Variants in SRPK2 observed in about 807,000 individuals in gnomAD.
SRPK2 encodes the protein SFRS protein kinase 2.
SRPK2 carries 21 observed loss-of-function variants against 90.8 expected under a neutral mutation model. The observed-to-expected ratio is 0.23, with a 90% CI of 0.16 to 0.33. The LOEUF is 0.33. Among genes scored for constraint, SRPK2 ranks in the 10% least tolerant of loss-of-function variants. The pLI is 1.00. For missense variants in SRPK2, 620 were observed against 869.0 expected, an observed-to-expected ratio of 0.71 and a Z score of 3.60; for synonymous variants, 288 against 311.1, an observed-to-expected ratio of 0.93 and a Z score of 0.78.
chr7:105,387,496 T>G, intron 2 of SRPK2, among the ~76,000 whole-genome samples: 1 of 148,892 alleles, frequency 6.7e-6, no homozygotes, highest in East Asian at 2.1e-4. Flanking sequence ...TTCCCCTTAC[T>G]CTAATGGTTT....
At chr7:105,226,173 AATAAT>A (rs1276983230) in intron 2 of SRPK2, among the ~76,000 whole-genome samples, 1 of 152,208 alleles carries the variant, frequency 6.6e-6, no homozygotes, top group East Asian at 1.9e-4. Flanking sequence ...AGAAACATAA[AATAAT>A]ATTTGTCTAT....
chr7:105,182,889 T>C (rs146878362), intron 3 of SRPK2, among the ~76,000 whole-genome samples: 1 of 152,234 alleles, frequency 6.6e-6, no homozygotes, highest in East Asian at 1.9e-4. Context: ...TCCCAAGTAG[T>C]ATCATATAAA....
At chr7:105,188,771 G>C (rs1036919365) in intron 3 of SRPK2, among the ~76,000 whole-genome samples, 2 of 152,300 alleles carry the variant, frequency 1.3e-5, no homozygotes, top group South Asian at 4.1e-4. Flanking sequence ...GGAAATAAAA[G>C]AGAAAAGATA....
At chr7:105,377,298 A>G (rs1820415890) in intron 2 of SRPK2, among the ~76,000 whole-genome samples, 1 of 152,164 alleles carries the variant, frequency 6.6e-6, no homozygotes, top group South Asian at 2.1e-4. Flanking sequence ...GCTATACCTG[A>G]CAACTCCCAA....
At chr7:105,392,790 AC>A (rs1186300694), upstream of SRPK2, among the ~76,000 whole-genome samples, 1 of 149,720 alleles carries the variant, frequency 6.7e-6, no homozygotes, top group African/African-American at 2.5e-5. Context: ...GAACCACTAT[AC>A]CCAGACTTAA....
chr7:105,342,874 G>A (rs976784974), intron 2 of SRPK2, among the ~76,000 whole-genome samples: 6 of 152,142 alleles, frequency 3.9e-5, no homozygotes, highest in Non-Finnish European at 7.4e-5. Flanking sequence ...TCTAGAATGG[G>A]AAAAGGTGAA....
chr7:105,159,464 A>AAAAAAAAC (rs1807167967), intron 7 of SRPK2, among the ~76,000 whole-genome samples: 1 of 141,598 alleles, frequency 7.1e-6, no homozygotes, highest in African/African-American at 2.9e-5. Flanking sequence ...AAAAAAAAAA[A>AAAAAAAAC]AAAAAAAAAC....
chr7:105,355,510 C>T (rs1289207910), intron 2 of SRPK2, among the ~76,000 whole-genome samples: 2 of 151,878 alleles, frequency 1.3e-5, no homozygotes, highest in Non-Finnish European at 2.9e-5. Flanking sequence ...AAAAATTAGC[C>T]AGGCATGGTG....
intron 2 of SRPK2, among the ~76,000 whole-genome samples, chr7:105,360,364 C>T (rs57599523): frequency 0.42 from 63,707 of 152,002 alleles, 15,309 homozygotes; most frequent in Non-Finnish European, 0.54. Flanking sequence ...TTAATTGGGA[C>T]ATTTAGCCCA....
At chr7:105,141,200 G>A (rs1347176288) in intron 11 of SRPK2, among the ~76,000 whole-genome samples, 2 of 152,166 alleles carry the variant, frequency 1.3e-5, no homozygotes, top group East Asian at 1.9e-4. Flanking sequence ...CTTACTCGGC[G>A]TGCAATTCCA....
intron 2 of SRPK2, among the ~76,000 whole-genome samples, chr7:105,206,726 CAT>C (rs1274100284): frequency 7.2e-5 from 11 of 152,122 alleles, no homozygotes; most frequent in Non-Finnish European, 1.5e-4. Context: ...GTATAAAATA[CAT>C]GTTAGATTGC....
At chr7:105,132,681 C>T in intron 13 of SRPK2, 110 bp downstream of exon 13, 1 of 854,338 alleles carries the variant, frequency 1.2e-6, no homozygotes, top group Non-Finnish European at 1.8e-6. Context: ...GTGGATGACC[C>T]TTACAGTCAG....
chr7:105,324,938 C>T (rs1424165666), intron 2 of SRPK2, among the ~76,000 whole-genome samples: 2 of 152,140 alleles, frequency 1.3e-5, no homozygotes, highest in African/African-American at 4.8e-5. Flanking sequence ...CTCAATAGTC[C>T]TATTTTTCCT....
At chr7:105,276,088 T>A (rs572793898) in intron 2 of SRPK2, among the ~76,000 whole-genome samples, 293 of 151,790 alleles carry the variant, frequency 1.9e-3, no homozygotes, top group South Asian at 3.1e-3. Flanking sequence ...ATATATATTT[T>A]TTTTTTTTAG....
chr7:105,180,353 T>C (rs979405270), intron 3 of SRPK2, among the ~76,000 whole-genome samples: 1 of 152,300 alleles, frequency 6.6e-6, no homozygotes, highest in Non-Finnish European at 1.5e-5. Flanking sequence ...TAAGTGGTGC[T>C]AGAATTACTT....
At chr7:105,126,404 A>G (rs1801215689) in intron 14 of SRPK2, 64 bp from the exon 15 acceptor site, 2 of 1,207,248 alleles carry the variant, frequency 1.7e-6, no homozygotes, top group Non-Finnish European at 2.4e-6. Context: ...GGGATAAAAG[A>G]AGAGGGAAAA....
intron 15 of SRPK2, among the ~76,000 whole-genome samples, chr7:105,123,465 G>A (rs1160456323): frequency 2.0e-5 from 3 of 152,022 alleles, no homozygotes; most frequent in East Asian, 3.9e-4. Context: ...AAAGTGATAC[G>A]GCATATCAAC....
At chr7:105,314,253 A>C (rs531747230) in intron 2 of SRPK2, among the ~76,000 whole-genome samples, 1 of 151,870 alleles carries the variant, frequency 6.6e-6, no homozygotes, top group African/African-American at 2.4e-5. Flanking sequence ...AATCACTTGA[A>C]CCCAGGAGGC....
Position 105,126,104 on chromosome 7 carries a change from C to T in SRPK2, c.1915+144G>A, listed in dbSNP as rs572990419. On this transcript the variant is annotated intron_variant, in intron 15 of 15. Transcript: ENST00000393651. ...CAGGGCTAAATGTGGTCTTCCCTGA[C>T]AATTTTTCTATCAGCATAGGAATTC... is the stretch of plus-strand genomic sequence containing the variant. The T allele has an allele frequency of 5.3e-6, 4 of 756,630 alleles. No individual in the cohort carries two copies. In the East Asian group the frequency reaches 1.1e-4, roughly 20 times the overall value. 46.9% of individuals were successfully genotyped at this position (756,630 alleles called of 1,614,324 possible).
Sources: allele counts gnomAD v4.1 joint callset (sites outside exome capture counted in the v4.1 genomes callset), GRCh38; gene constraint gnomAD v4.1.1; transcripts MANE v1.5; gene names NCBI Gene and HGNC (gene_info 2026-07-23, HGNC 2026-07-21).